Variants in SLC35H1 observed in about 807,000 individuals in gnomAD.
SLC35H1 encodes ovarian cancer-overexpressed gene 1 protein.
the SLC35H1 span, among the ~76,000 whole-genome samples, chr20:46,360,471 T>A: frequency 2.0e-5 from 3 of 152,244 alleles, no homozygotes. Context: ...CCCAGAAACT[T>A]ACATATTGAA....
the SLC35H1 span, among the ~76,000 whole-genome samples, chr20:46,362,552 T>G: frequency 9.2e-5 from 14 of 152,154 alleles, no homozygotes; most frequent in Non-Finnish European, 1.8e-4. Context: ...CTGGACTCAG[T>G]TTCTCCAACT....
the SLC35H1 span, chr20:46,350,895 G>A: frequency 1.2e-6 from 2 of 1,613,692 alleles, no homozygotes; most frequent in Non-Finnish European, 1.7e-6. Flanking sequence ...GACTTCCTGG[G>A]GGCAGAGAAG....
the SLC35H1 span, chr20:46,358,411 G>A: frequency 1.2e-6 from 2 of 1,614,048 alleles, no homozygotes; most frequent in South Asian, 1.1e-5. Flanking sequence ...TGTTGTAGAA[G>A]GTGATGCCGA....
the SLC35H1 span, chr20:46,350,449 C>CGCTGG: frequency 1.2e-6 from 2 of 1,613,626 alleles, no homozygotes; most frequent in Non-Finnish European, 1.7e-6. Context: ...ACCTTCCTCC[C>CGCTGG]GCTGGCTGCT....
the SLC35H1 span, among the ~76,000 whole-genome samples, chr20:46,362,339 G>A: frequency 2.6e-5 from 4 of 152,218 alleles, no homozygotes; most frequent in Non-Finnish European, 5.9e-5. Context: ...ACTTTCCACA[G>A]AGAGCAGCTT....
the SLC35H1 span, chr20:46,357,834 C>G: frequency 1.3e-6 from 2 of 1,587,878 alleles, no homozygotes; most frequent in South Asian, 2.3e-5. Flanking sequence ...CCCACCGGCT[C>G]CCTCTTCCTC....
At chr20:46,350,852 G>A in the SLC35H1 span, 13 of 1,613,946 alleles carry the variant, frequency 8.1e-6, no homozygotes, top group Admixed American at 1.0e-4. Flanking sequence ...TGATCTGATC[G>A]CCCAGCAGAT....
the SLC35H1 span, chr20:46,347,725 A>T: frequency 6.6e-6 from 1 of 152,194 alleles, no homozygotes; most frequent in African/African-American, 2.4e-5. Flanking sequence ...CTCAAGGCAG[A>T]AAAGGGTACC....
At chr20:46,358,543 G>C in the SLC35H1 span, 1 of 1,614,086 alleles carries the variant, frequency 6.2e-7, no homozygotes, top group Admixed American at 1.7e-5. Flanking sequence ...CTGAGTCAGC[G>C]GGGGCAGGCA....
the SLC35H1 span, chr20:46,352,551 C>T: frequency 2.4e-4 from 62 of 255,252 alleles, no homozygotes; most frequent in Middle Eastern, 3.6e-3. Context: ...GGGATCCTAG[C>T]GGGATGATGG....
chr20:46,358,523 ACCGGAGCT>A, the SLC35H1 span: 1 of 1,614,042 alleles, frequency 6.2e-7, no homozygotes, highest in African/African-American at 1.3e-5. Flanking sequence ...CGGCTGCAGC[ACCGGAGCT>A]CCTGAGTCAG....
the SLC35H1 span, chr20:46,358,371 C>T: frequency 8.0e-5 from 129 of 1,611,734 alleles, no homozygotes; most frequent in African/African-American, 1.7e-3. Flanking sequence ...CCCGCCCCAG[C>T]AAGGCCTCCT....
chr20:46,360,619 A>G, the SLC35H1 span, among the ~76,000 whole-genome samples: 1 of 152,010 alleles, frequency 6.6e-6, no homozygotes, highest in African/African-American at 2.4e-5. Flanking sequence ...ATCTCGGCTC[A>G]CCACAAGCTC....
At chr20:46,357,330 T>C in the SLC35H1 span, among the ~76,000 whole-genome samples, 1 of 151,992 alleles carries the variant, frequency 6.6e-6, no homozygotes. Context: ...ACCACTTATC[T>C]CCAGGCCTGA....
At chr20:46,347,069 C>T in the SLC35H1 span, 1 of 152,188 alleles carries the variant, frequency 6.6e-6, no homozygotes, top group Non-Finnish European at 1.5e-5. Context: ...GCACTGTGTG[C>T]TTTACCTACA....
At chr20:46,357,616 C>T in the SLC35H1 span, 2 of 1,612,248 alleles carry the variant, frequency 1.2e-6, no homozygotes, top group East Asian at 4.5e-5. Context: ...TGAGGTCCCC[C>T]ACCTACCTGT....
chr20:46,356,740 C>G, the SLC35H1 span: 1 of 1,088,238 alleles, frequency 9.2e-7, no homozygotes, highest in Non-Finnish European at 1.4e-6. Flanking sequence ...TCTGAACCAT[C>G]CCGGTGCCTC....
At chr20:46,352,346 TC>T in the SLC35H1 span, 1 of 854,818 alleles carries the variant, frequency 1.2e-6, no homozygotes, top group Non-Finnish European at 1.8e-6. Flanking sequence ...CTGCTAACTG[TC>T]TGCAGCCCAG....
the SLC35H1 span, chr20:46,357,557 T>G: frequency 6.4e-7 from 1 of 1,564,378 alleles, no homozygotes. Context: ...GGTGTCTCTC[T>G]TGTTCTCATC....
Sources: allele counts gnomAD v4.1 joint callset (sites outside exome capture counted in the v4.1 genomes callset), GRCh38; gene constraint gnomAD v4.1.1; transcripts MANE v1.5; gene names NCBI Gene and HGNC (gene_info 2026-07-23, HGNC 2026-07-21).